PARD3: variants seen among roughly 807,000 people sequenced by gnomAD.
PARD3 encodes partitioning defective 3 homolog.
PARD3 carries 75 observed loss-of-function variants against 155.4 expected under a neutral mutation model. The ratio of observed to expected loss-of-function variants is 0.48; its 90% CI spans 0.40 to 0.58. The LOEUF is 0.58. PARD3 is among the 20% of genes least tolerant of loss of function. The pLI is 0.00. For missense variants in PARD3, 1,642 were observed against 1,721.7 expected (o/e 0.95, Z 0.82); for synonymous variants, 576 against 610.5 (o/e 0.94, Z 0.83).
chr10:34,245,455 C>T (rs1220893337), intron 22 of PARD3, among the ~76,000 whole-genome samples: 1 of 129,246 alleles, frequency 7.7e-6, no homozygotes, highest in Non-Finnish European at 1.9e-5. Flanking sequence ...TGAGTGAGGC[C>T]ACCCTGACTA....
intron 1 of PARD3, among the ~76,000 whole-genome samples, chr10:34,773,880 G>C (rs556676631): frequency 6.6e-6 from 1 of 152,162 alleles, no homozygotes; most frequent in Admixed American, 6.5e-5. Context: ...TAATATGAAA[G>C]AATAATAGAG....
intron 20 of PARD3, among the ~76,000 whole-genome samples, chr10:34,316,506 C>T (rs543630232): frequency 5.9e-4 from 90 of 152,264 alleles, no homozygotes; most frequent in Admixed American, 5.9e-4. Context: ...AATTAATGAA[C>T]GCAGCTTAAT....
In PARD3 at chr10:34,490,455, A is replaced by G. The variant is rs184420063; in HGVS notation, c.404-20192T>C. 3.0e-3 allele frequency among the ~76,000 whole-genome samples: 445 copies of G among 150,238 alleles called. 2 individuals are homozygous for G. The highest frequency in any genetic ancestry group is 1.0e-2 in the African/African-American group (394 of 39,542). ...ACACAAAACAAAATGCTCGTGCTTC[A>G]TATCTATGTCAGAACATTTACTGGG... On this transcript the variant is annotated intron_variant, in intron 3 of 24. Coordinates refer to ENST00000374788, the MANE Select transcript of PARD3 (RefSeq NM_001184785.2).
chr10:34,180,451 G>T (rs1206410050), intron 22 of PARD3, among the ~76,000 whole-genome samples: 1 of 152,170 alleles, frequency 6.6e-6, no homozygotes, highest in African/African-American at 2.4e-5. Flanking sequence ...GATGAGACAG[G>T]CTGGTTCTAG....
intron 2 of PARD3, among the ~76,000 whole-genome samples, chr10:34,636,196 C>T (rs2092467760): frequency 6.6e-6 from 1 of 152,050 alleles, no homozygotes; most frequent in Non-Finnish European, 1.5e-5. Context: ...GTGCCCAGGG[C>T]CCTCATCAGT....
At chr10:34,379,789 CA>C (rs1841639931) in intron 9 of PARD3, among the ~76,000 whole-genome samples, 1 of 152,026 alleles carries the variant, frequency 6.6e-6, no homozygotes, top group African/African-American at 2.4e-5. Context: ...CTAATTTCTA[CA>C]AAAGAGCTGG....
chr10:34,559,219 G>C (rs1403465884), intron 2 of PARD3, among the ~76,000 whole-genome samples: 2 of 152,078 alleles, frequency 1.3e-5, no homozygotes, highest in East Asian at 3.9e-4. Context: ...TGATTGAATT[G>C]ATCTTATTGG....
intron 22 of PARD3, among the ~76,000 whole-genome samples, chr10:34,165,448 A>G (rs907865872): frequency 3.9e-5 from 6 of 152,192 alleles, no homozygotes; most frequent in African/African-American, 1.4e-4. Flanking sequence ...CCATGTGTTT[A>G]CTGGAATTTT....
intron 3 of PARD3, among the ~76,000 whole-genome samples, chr10:34,501,668 C>G (rs1306630004): frequency 6.6e-6 from 1 of 151,998 alleles, no homozygotes; most frequent in Non-Finnish European, 1.5e-5. Flanking sequence ...TATTTTCACA[C>G]TACCGTAAAT....
intron 7 of PARD3, among the ~76,000 whole-genome samples, chr10:34,397,353 C>T (rs998772482): frequency 6.6e-6 from 1 of 152,188 alleles, no homozygotes; most frequent in African/African-American, 2.4e-5. Context: ...TGTTCTGCTT[C>T]CATATGAAAA....
intron 22 of PARD3, among the ~76,000 whole-genome samples, chr10:34,260,435 C>T (rs1233013670): frequency 1.3e-5 from 2 of 152,078 alleles, no homozygotes; most frequent in Non-Finnish European, 2.9e-5. Flanking sequence ...AGAGAGCTGG[C>T]CTGGAAGGAG....
Position 34,232,448 on chromosome 10 carries a change from G to A in PARD3, c.3419+37209C>T, listed in dbSNP as rs1479821822. ...GTGGGCTTCTCTTTAGACCTCACGA[G>A]AGGCAAACCTTTAATCAGGACTTAA... On this transcript the variant is annotated intron_variant, in intron 22 of 24. Coordinates refer to ENST00000374788, the MANE Select transcript of PARD3 (RefSeq NM_001184785.2). Among the ~76,000 whole-genome samples, 6 of 152,224 alleles carry A rather than the reference G, an allele frequency of 3.9e-5. No homozygotes were observed. The East Asian group carries it at 1.2e-3, about 29-fold the overall frequency.
At chr10:34,277,502 C>A (rs1489131508) in intron 21 of PARD3, among the ~76,000 whole-genome samples, 1 of 152,100 alleles carries the variant, frequency 6.6e-6, no homozygotes, top group East Asian at 1.9e-4. Context: ...ATTTTAATAT[C>A]TTTGTCATAT....
intron 1 of PARD3, among the ~76,000 whole-genome samples, chr10:34,788,152 G>C (rs546990604): frequency 6.6e-6 from 1 of 152,236 alleles, no homozygotes; most frequent in Non-Finnish European, 1.5e-5. Context: ...CACGTGGACA[G>C]ATAGGAAGTT....
intron 22 of PARD3, among the ~76,000 whole-genome samples, chr10:34,244,656 T>C (rs1004974900): frequency 6.6e-6 from 1 of 152,242 alleles, no homozygotes; most frequent in Non-Finnish European, 1.5e-5. Context: ...GTCATTGATA[T>C]GTTACTAAAA....
At chr10:34,212,058 C>T (rs1202814764) in intron 22 of PARD3, among the ~76,000 whole-genome samples, 5 of 145,174 alleles carry the variant, frequency 3.4e-5, no homozygotes, top group South Asian at 4.3e-4. Context: ...TATTTCTGCT[C>T]TATTTTGCTT....
At chr10:34,716,615 A>G (rs192609209) in intron 1 of PARD3, among the ~76,000 whole-genome samples, 4,808 of 105,956 alleles carry the variant, frequency 0.045, 309 homozygotes, top group African/African-American at 0.15. Flanking sequence ...TTTTTGAGAC[A>G]GAGTTTTGCT....
intron 1 of PARD3, among the ~76,000 whole-genome samples, chr10:34,734,064 A>G (rs2094866777): frequency 6.6e-6 from 1 of 152,074 alleles, no homozygotes; most frequent in Non-Finnish European, 1.5e-5. Context: ...AAAAAGTGTA[A>G]AAAGTAACCA....
rs1843914837 is a variant in PARD3 at position 34,401,838 on chromosome 10, T to C, written c.794A>G (p.Asn265Ser). ...HADTGLEHIPNFSLDDMVKLV... is the reference protein window; with the variant it reads ...HADTGLEHIPSFSLDDMVKLV... ...ATCAGTAACTTACTCCAGAGAAAAG[T>C]TGGGTATATGCTCCAAACCCGTGTC... Residue 265 changes from asparagine (N) to serine (S), a missense_variant, in exon 6 of 25, where the codon AAC (asparagine) becomes AGC (serine). By Grantham distance (46) the Asn-to-Ser change is conservative. Transcript: ENST00000374788. 2 of 1,611,462 alleles carry C rather than the reference T, an allele frequency of 1.2e-6. No homozygotes were observed. Among genetic ancestry groups the C allele is most frequent in the Non-Finnish European group, 1.7e-6 (2 of 1,177,654 alleles).
Sources: gnomAD v4.1 joint callset for allele counts (sites outside exome capture counted in the v4.1 genomes callset) on GRCh38, gnomAD v4.1.1 for gene constraint, MANE v1.5 for transcripts, NCBI Gene and HGNC (gene_info 2026-07-23, HGNC 2026-07-21) for gene names.